Variants in HRNR observed in about 807,000 individuals in gnomAD.
The protein encoded by HRNR is hornerin, also known as filaggrin family member 3.
HRNR carries 7 observed loss-of-function variants against 4.8 expected under a neutral mutation model. The observed-to-expected ratio is 1.47, with a 90% CI of 0.83 to 2.75. The LOEUF (loss-of-function observed/expected upper bound fraction) is 2.75, where lower values mean the gene tolerates loss of function less well. HRNR is among the 30% of genes most tolerant of loss of function. The pLI is 0.00. For missense variants in HRNR, 2,879 were observed against 3,010.4 expected (o/e 0.96, Z 1.02); for synonymous variants, 1,023 against 1,242.7 (o/e 0.82, Z 3.72).
rs1464730471 is a variant in HRNR, at chr1:152,220,024, A to G, written c.1605T>C (p.Ser535=). The G allele has an allele frequency of 3.7e-6, 6 of 1,614,134 alleles. No homozygotes were observed. Among genetic ancestry groups the G allele is most frequent in the Non-Finnish European group, 5.1e-6 (6 of 1,180,008 alleles). ...TAGGGCTAGGAGACTGGCCAGATCC[A>G]GACCCATGTCGGCTGTGTCCCAAAG... is the stretch of plus-strand genomic sequence containing the variant. ...RQSLGHSRHG[S]GSGQSPSPSR... Residue 535 remains serine, a synonymous_variant, in exon 3 of 3, where the codon TCT becomes TCC. Coordinates refer to ENST00000368801, the MANE Select transcript of HRNR (RefSeq NM_001009931.3).
rs763843827 is a variant in HRNR at position 152,219,221 on chromosome 1, C to A, written c.2408G>T (p.Ser803Ile). The A allele has an allele frequency of 3.1e-6, 5 of 1,613,778 alleles. No individual in the cohort carries two copies. Among genetic ancestry groups the A allele is most frequent in the East Asian group, 2.2e-5 (1 of 44,874 alleles). ...QHGSGTSCSS[S>I]CGHYESGSGQ... Reference sequence around the variant, plus strand: ...TGAGCCAGACTCATAATGGCCACAGCTGGAAGAACAACTTGTGCCAGACCC... The same window carrying A: ...TGAGCCAGACTCATAATGGCCACAGATGGAAGAACAACTTGTGCCAGACCC... The change falls in exon 3 of 3, where the codon AGC (serine) becomes ATC (isoleucine). Residue 803 changes from serine (S) to isoleucine (I), a missense_variant. Physicochemically the swap from Ser to Ile is moderately radical, Grantham distance 142. Coordinates refer to ENST00000368801, the MANE Select transcript of HRNR (RefSeq NM_001009931.3).
chr1:152,221,575 G>T (rs575538834), intron 2 of HRNR, 85 bp from the exon 3 acceptor site: 1 of 1,060,740 alleles, frequency 9.4e-7, no homozygotes, highest in Non-Finnish European at 1.4e-6. Flanking sequence ...ATGTGAAAAT[G>T]TAAATGTTTG....
chr1:152,219,246 C>T lies in HRNR; in HGVS notation c.2383G>A (p.Gly795Arg), dbSNP rs1208286406. 38 of 1,613,550 alleles carry T rather than the reference C, an allele frequency of 2.4e-5. No homozygotes were observed. Among genetic ancestry groups the T allele is most frequent in the Admixed American group, 8.3e-5 (5 of 59,972 alleles). ...SGHSSSHGQH[G>R]SGTSCSSSCG... ...CTGGAAGAACAACTTGTGCCAGACCCGTGTTGGCCGTGGCTGGAGGAGTGC... is the reference window on the plus strand; with the variant it reads ...CTGGAAGAACAACTTGTGCCAGACCTGTGTTGGCCGTGGCTGGAGGAGTGC... Residue 795 changes from glycine (G) to arginine (R), a missense_variant, in exon 3 of 3, where the codon GGG becomes AGG. Gly to Arg is a moderately radical substitution (Grantham distance 125, BLOSUM62 -2). Coordinates refer to ENST00000368801, the MANE Select transcript of HRNR (RefSeq NM_001009931.3).
chr1:152,223,013 A>G, intron 2 of HRNR, 103 bp downstream of exon 2: 2 of 1,214,350 alleles, frequency 1.6e-6, no homozygotes, highest in Non-Finnish European at 2.4e-6. Context: ...TCTCTCACCA[A>G]GTAAGGACAA....
Position 152,213,107 on chromosome 1 carries a change from A to T in HRNR, c.8522T>A (p.Val2841Asp). ...FPSSTSPYEY[V>D]QEQRCYFYQ Reference sequence around the variant, plus strand: ...ATAAAAGTAGCACCTCTGCTCTTGGACATATTCATAGGGTGAAGTGCTACT... The same window carrying T: ...ATAAAAGTAGCACCTCTGCTCTTGGTCATATTCATAGGGTGAAGTGCTACT... The change falls in exon 3 of 3, where the codon GTC (valine) becomes GAC (aspartate). Residue 2841 changes from valine (V) to aspartate (D), a missense_variant. Physicochemically the swap from Val to Asp is radical, Grantham distance 152 (BLOSUM62 -3). This residue lies in a region of HRNR where 158 missense variants were observed against 107.6 expected (regional missense o/e 1.47). Transcript: ENST00000368801. 6.2e-7 allele frequency: 1 copy of T among 1,613,866 alleles called. No individual in the cohort carries two copies. Among genetic ancestry groups the T allele is most frequent in the Non-Finnish European group, 8.5e-7 (1 of 1,179,926 alleles).
In HRNR at chr1:152,224,181, C is replaced by T. The variant is rs756056231; in HGVS notation, c.-64G>A. ...GGAACAAGTAGGGTAGAGACAGAAA[C>T]AGCTTTCAGGGTGCTGCGAGTTGGG... On this transcript the variant is annotated 5_prime_UTR_variant, in exon 1 of 3. Coordinates refer to ENST00000368801, the MANE Select transcript of HRNR (RefSeq NM_001009931.3). 11 of 152,176 alleles carry T rather than the reference C, an allele frequency of 7.2e-5. No homozygotes were observed. The highest frequency in any genetic ancestry group is 1.5e-4 in the Non-Finnish European group (10 of 68,050). The allele number at this position is 152,176 out of a possible 1,614,324, so 9.4% of individuals were successfully genotyped here.
chr1:152,212,783 C>G lies in HRNR; in HGVS notation c.*293G>C, dbSNP rs1310969989. 6.8e-6 allele frequency: 3 copies of G among 443,924 alleles called. No individual in the cohort carries two copies. The highest frequency in any genetic ancestry group is 4.0e-5 in the African/African-American group (2 of 50,096). The allele number at this position is 443,924 out of a possible 1,614,324, so 27.5% of individuals were successfully genotyped here. ...TCTCAAAAAGACAACTCCAACTAAA[C>G]CCAAAGCTCTTTAAAAGCTTTTCAT... is the stretch of plus-strand genomic sequence containing the variant. On this transcript the variant is annotated 3_prime_UTR_variant, in exon 3 of 3. Transcript: ENST00000368801.
In HRNR at chr1:152,219,815, C is replaced by T. The variant is rs138493489; in HGVS notation, c.1814G>A (p.Gly605Asp). The T allele has an allele frequency of 3.4e-4, 555 of 1,612,124 alleles. 1 individual carries two copies. Among genetic ancestry groups the T allele is most frequent in the South Asian group, 7.9e-4 (72 of 91,024 alleles). Reference protein sequence around the residue: ...SGYGQHGSSSGHSSTHGQHGS... With the variant: ...SGYGQHGSSSDHSSTHGQHGS... The stretch of plus-strand genomic sequence containing the variant: ...ATGTTGCCCATGGGTAGAGGAATGA[C>T]CCGAGCTAGATCCGTGTTGACCGTA... The change falls in exon 3 of 3, where the codon GGT becomes GAT. Residue 605 changes from glycine to aspartate, a missense_variant. Physicochemically the swap from Gly to Asp is moderately conservative, Grantham distance 94. This residue lies in a region of HRNR where 2,646 missense variants were observed against 1,377.7 expected (regional missense o/e 1.92). Coordinates refer to ENST00000368801, the MANE Select transcript of HRNR (RefSeq NM_001009931.3).
chr1:152,219,400 T>A lies in HRNR; in HGVS notation c.2229A>T (p.Gly743=). The part of the protein sequence containing the change: ...SGQSSRSEQH[G]SSSGLSSSYG... ...AGCTGGAAGACAAACCTGAGCTAGA[T>A]CCGTGTTGTTCACTCCTAGATGACT... is the stretch of plus-strand genomic sequence containing the variant. The change falls in exon 3 of 3, where the codon GGA becomes GGT. Residue 743 remains glycine, a synonymous_variant. Transcript: ENST00000368801. The A allele has an allele frequency of 6.2e-7, 1 of 1,613,748 alleles. No individual in the cohort carries two copies. Among genetic ancestry groups the A allele is most frequent in the Non-Finnish European group, 8.5e-7 (1 of 1,179,936 alleles).
Position 152,219,216 on chromosome 1 carries a change from C to G in HRNR, c.2413G>C (p.Gly805Arg). ...GSGTSCSSSC[G>R]HYESGSGQAS... ...TGGCCTGAGCCAGACTCATAATGGC[C>G]ACAGCTGGAAGAACAACTTGTGCCA... Residue 805 changes from glycine to arginine, a missense_variant, in exon 3 of 3, where the codon GGC becomes CGC. This residue lies in a region of HRNR where 2,646 missense variants were observed against 1,377.7 expected (regional missense o/e 1.92). Transcript: ENST00000368801. 1 of 1,613,866 alleles carries G rather than the reference C, an allele frequency of 6.2e-7. No homozygotes were observed. Among genetic ancestry groups the G allele is most frequent in the Non-Finnish European group, 8.5e-7 (1 of 1,179,908 alleles).
rs746273371 is a variant in HRNR, at chr1:152,219,473, C to T, written c.2156G>A (p.Gly719Asp). Reference sequence around the variant, plus strand: ...TCTGTAGCCGGAGGAGTGACTTGAGCCAGATCCATGCTGACTGTAACCAGA... The same window carrying T: ...TCTGTAGCCGGAGGAGTGACTTGAGTCAGATCCATGCTGACTGTAACCAGA... Reference protein sequence around the residue: ...QSSGYSQHGSGSSHSSGYRKH... With the variant: ...QSSGYSQHGSDSSHSSGYRKH... The change falls in exon 3 of 3, where the codon GGC (glycine) becomes GAC (aspartate). Residue 719 changes from glycine to aspartate, a missense_variant. This residue lies in a region of HRNR where 2,646 missense variants were observed against 1,377.7 expected (regional missense o/e 1.92). Transcript: ENST00000368801. The T allele has an allele frequency of 6.2e-7, 1 of 1,614,028 alleles. No individual in the cohort carries two copies. Among genetic ancestry groups the T allele is most frequent in the Non-Finnish European group, 8.5e-7 (1 of 1,180,006 alleles).
At position 152,212,089 on chromosome 1, in the gene HRNR, A is replaced by G. The variant is rs1570829043; in HGVS notation, c.*987T>C. 1 of 152,368 alleles carries G rather than the reference A, an allele frequency of 6.6e-6. No individual in the cohort carries two copies. The highest frequency in any genetic ancestry group is 3.4e-3 in the Middle Eastern group (1 of 294). The allele number at this position is 152,368 out of a possible 1,614,324, so 9.4% of individuals were successfully genotyped here. A position where few individuals can be genotyped will look rare whatever the true frequency, so the allele number is the denominator to read the frequency against. The stretch of plus-strand genomic sequence containing the variant: ...AGAAAAGTCTTAGTATTTAATCAAC[A>G]TTTATTTATTGTCAATTTTAATACA... On this transcript the variant is annotated 3_prime_UTR_variant, in exon 3 of 3. Coordinates refer to ENST00000368801, the MANE Select transcript of HRNR (RefSeq NM_001009931.3).
rs1321276741 is a variant in HRNR, at chr1:152,219,592, C to G, written c.2037G>C (p.Gly679=). Residue 679 remains glycine, a synonymous_variant, in exon 3 of 3, where the codon GGG becomes GGC. Transcript: ENST00000368801. ...FGHSSSYGQH[G]SGSGWSSSNG... is the part of the protein sequence containing the mutation. ...TGCTTGAAGACCAACCGGAGCCAGA[C>G]CCATGTTGGCCGTAGCTGGAAGAGT... The G allele has an allele frequency of 3.1e-6, 5 of 1,612,476 alleles. No homozygotes were observed. The highest frequency in any genetic ancestry group is 1.1e-5 in the South Asian group (1 of 90,932).
In HRNR at chr1:152,220,874, C is replaced by T. The variant is rs758821600; in HGVS notation, c.755G>A (p.Gly252Asp). ...GTGTTGTCCGTAGCCAGAGGAGTGA[C>T]CTGAGCCAGATCCATGCTGACTGTA... Reference protein sequence around the residue: ...SGYSQHGSGSGHSSGYGQHGS... With the variant: ...SGYSQHGSGSDHSSGYGQHGS... Residue 252 changes from glycine (G) to aspartate (D), a missense_variant, in exon 3 of 3, where the codon GGT becomes GAT. Gly to Asp is a moderately conservative substitution (Grantham distance 94). Around this residue, in one of 8 missense-constraint regions of HRNR, gnomAD observed 2,646 missense variants for 1,377.7 expected, o/e 1.92. Coordinates refer to ENST00000368801, the MANE Select transcript of HRNR (RefSeq NM_001009931.3). 6.2e-7 allele frequency: 1 copy of T among 1,614,156 alleles called. No homozygotes were observed. Among genetic ancestry groups the T allele is most frequent in the Non-Finnish European group, 8.5e-7 (1 of 1,180,034 alleles).
At chr1:152,221,870 C>A (rs1162660730) in intron 2 of HRNR, among the ~76,000 whole-genome samples, 3 of 151,924 alleles carry the variant, frequency 2.0e-5, no homozygotes, top group Non-Finnish European at 4.4e-5. Context: ...ACTCACTGAA[C>A]AAAGATTTAT....
Position 152,212,092 on chromosome 1 carries a change from TA to T in HRNR, c.*983del, listed in dbSNP as rs1444385668. 6.6e-6 allele frequency: 1 copy of T among 152,246 alleles called. No homozygotes were observed. The highest frequency in any genetic ancestry group is 2.4e-5 in the African/African-American group (1 of 41,466). The allele number at this position is 152,246 out of a possible 1,614,324, so 9.4% of individuals were successfully genotyped here. A position where few individuals can be genotyped will look rare whatever the true frequency, so the allele number is the denominator to read the frequency against. On this transcript the variant is annotated 3_prime_UTR_variant, in exon 3 of 3. Coordinates refer to ENST00000368801, the MANE Select transcript of HRNR (RefSeq NM_001009931.3). ...AAAGTCTTAGTATTTAATCAACATT[TA>T]TTTATTGTCAATTTTAATACAATCC...
rs540196080 is a variant in HRNR, at chr1:152,219,132, A to T, written c.2497T>A (p.Ser833Thr). 1 of 1,613,570 alleles carries T rather than the reference A, an allele frequency of 6.2e-7. No individual in the cohort carries two copies. The highest frequency in any genetic ancestry group is 8.5e-7 in the Non-Finnish European group (1 of 1,179,970). Residue 833 changes from serine to threonine, a missense_variant, in exon 3 of 3, where the codon TCT becomes ACT. Physicochemically the swap from Ser to Thr is moderately conservative, Grantham distance 58 (BLOSUM62 1). Coordinates refer to ENST00000368801, the MANE Select transcript of HRNR (RefSeq NM_001009931.3). ...GSGQGYSQHG[S>T]ASGHFSSQGR... The stretch of plus-strand genomic sequence containing the variant: ...TGGCTAGAGAAGTGACCTGAGGCAG[A>T]ACCATGCTGACTATAGCCCTGTCCT...
At position 152,218,424 on chromosome 1, in the gene HRNR, T is replaced by C. The variant is rs1253556377; in HGVS notation, c.3205A>G (p.Ser1069Gly). The change falls in exon 3 of 3, where the codon AGC becomes GGC. Residue 1069 changes from serine to glycine, a missense_variant. Around this residue, in one of 8 missense-constraint regions of HRNR, gnomAD observed 2,646 missense variants for 1,377.7 expected, o/e 1.92. Coordinates refer to ENST00000368801, the MANE Select transcript of HRNR (RefSeq NM_001009931.3). ...CCATGGGTAGAGGAATGACCTGAGC[T>C]AGATCCATGTTGACCGTAGCCAGAG... ...QSSGYGQHGSSSGHSSTHGQH... is the reference protein window; with the variant it reads ...QSSGYGQHGSGSGHSSTHGQH... 1 of 1,612,910 alleles carries C rather than the reference T, an allele frequency of 6.2e-7. No individual in the cohort carries two copies. The highest frequency in any genetic ancestry group is 2.2e-5 in the East Asian group (1 of 44,772).
chr1:152,223,074 A>G (rs1416214666), intron 2 of HRNR, 42 bp downstream of exon 2: 1 of 1,601,080 alleles, frequency 6.2e-7, no homozygotes, highest in Non-Finnish European at 8.5e-7. Context: ...GGGATAAAGA[A>G]GAAAATTCCT....
Sources: allele counts gnomAD v4.1 joint callset (sites outside exome capture counted in the v4.1 genomes callset), GRCh38; gene constraint gnomAD v4.1.1; regional missense constraint gnomAD v4.1.1; transcripts MANE v1.5; gene names NCBI Gene and HGNC (gene_info 2026-07-23, HGNC 2026-07-21).